Variants in UNC13C observed in about 807,000 individuals in gnomAD.
The protein encoded by UNC13C is unc-13 homolog C.
UNC13C carries 174 observed loss-of-function variants against 245.4 expected under a neutral mutation model. That is an observed-to-expected ratio of 0.71 (90% CI 0.63 to 0.80). The LOEUF (loss-of-function observed/expected upper bound fraction) is 0.80, where lower values mean the gene tolerates loss of function less well. Among genes scored for constraint, UNC13C ranks in the 30% least tolerant of loss-of-function variants. The pLI is 0.00. For missense variants in UNC13C, 2,829 were observed against 2,602.9 expected (o/e 1.09, Z -1.89); for synonymous variants, 992 against 895.1 (o/e 1.11, Z -1.93).
At chr15:53,845,424 T>A in the UNC13C span, among the ~76,000 whole-genome samples, 1 of 151,688 alleles carries the variant, frequency 6.6e-6, no homozygotes, top group Non-Finnish European at 1.5e-5. Flanking sequence ...ACAACTAGAA[T>A]CAGAAGAGAC....
rs576501409 is a variant in UNC13C at position 54,286,608 on chromosome 15, A to G, written c.3819-7287A>G. On this transcript the variant is annotated intron_variant, in intron 10 of 32. Coordinates refer to ENST00000260323, the MANE Select transcript of UNC13C (RefSeq NM_001080534.3). ...AAACTCTGATAACTTGGCCAAAAAAATTTTGCTTTAATGATAGGAAATATC... is the reference window on the plus strand; with the variant it reads ...AAACTCTGATAACTTGGCCAAAAAAGTTTTGCTTTAATGATAGGAAATATC... Among the ~76,000 whole-genome samples the G allele has an allele frequency of 2.6e-5, 4 of 152,294 alleles. No individual in the cohort carries two copies. The East Asian group carries it at 5.8e-4, about 22-fold the overall frequency.
chr15:54,205,631 C>G (rs1427148612), intron 4 of UNC13C, among the ~76,000 whole-genome samples: 1 of 152,016 alleles, frequency 6.6e-6, no homozygotes, highest in East Asian at 1.9e-4. Flanking sequence ...CCCAGTTCTG[C>G]TGTCTGGAGC....
the UNC13C span, among the ~76,000 whole-genome samples, chr15:53,840,511 G>C: frequency 6.6e-6 from 1 of 152,076 alleles, no homozygotes; most frequent in Non-Finnish European, 1.5e-5. Flanking sequence ...CTAGAACAGA[G>C]GACTGTAAGA....
chr15:53,942,654 T>C, the UNC13C span, among the ~76,000 whole-genome samples: 1 of 152,148 alleles, frequency 6.6e-6, no homozygotes, highest in Non-Finnish European at 1.5e-5. Flanking sequence ...ACGATTTTCC[T>C]GAAATATTTT....
At chr15:54,391,280 T>G (rs1410478202) in intron 17 of UNC13C, among the ~76,000 whole-genome samples, 1 of 152,158 alleles carries the variant, frequency 6.6e-6, no homozygotes, top group Non-Finnish European at 1.5e-5. Context: ...CCACTGTGGC[T>G]ATTAGAAGTA....
intron 2 of UNC13C, among the ~76,000 whole-genome samples, chr15:54,036,978 G>T (rs566130797): frequency 1.3e-5 from 2 of 152,268 alleles, no homozygotes; most frequent in African/African-American, 4.8e-5. Context: ...CTGCATGAAG[G>T]GCAGGAATGC....
At chr15:54,532,369 A>G (rs1231756740) in intron 25 of UNC13C, among the ~76,000 whole-genome samples, 1 of 152,232 alleles carries the variant, frequency 6.6e-6, no homozygotes, top group African/African-American at 2.4e-5. Context: ...CCATAAAGAC[A>G]CATGCATGCA....
At chr15:53,880,838 A>G in the UNC13C span, among the ~76,000 whole-genome samples, 447 of 152,264 alleles carry the variant, frequency 2.9e-3, no homozygotes, top group Non-Finnish European at 4.3e-3. Context: ...CTCTCCTTAC[A>G]GAATACCCAA....
chr15:54,013,270 A>G lies in UNC13C; in HGVS notation c.367A>G (p.Ile123Val), dbSNP rs547772270. ...GGATCTGCTTCAAGAGCTCTCTTCA[A>G]TCGAGAGTTCCTACTCAGAATCATT... The part of the protein sequence containing the change: ...NEDLLQELSS[I>V]ESSYSESLNE... The change falls in exon 2 of 33, where the codon ATC becomes GTC. Residue 123 changes from isoleucine (I) to valine (V), a missense_variant. Ile to Val is a conservative substitution (Grantham distance 29). Transcript: ENST00000260323. The G allele has an allele frequency of 5.6e-6, 9 of 1,613,736 alleles. No homozygotes were observed. In the East Asian group the frequency reaches 1.3e-4, roughly 24 times the overall value.
At chr15:54,093,300 T>C (rs1899669688) in intron 2 of UNC13C, among the ~76,000 whole-genome samples, 1 of 152,320 alleles carries the variant, frequency 6.6e-6, no homozygotes, top group Middle Eastern at 3.4e-3. Context: ...ATAAAATAAC[T>C]GATGGAATTA....
the UNC13C span, among the ~76,000 whole-genome samples, chr15:53,878,889 T>A: frequency 6.6e-6 from 1 of 152,198 alleles, no homozygotes; most frequent in Non-Finnish European, 1.5e-5. Flanking sequence ...AGAAGCCATT[T>A]GATATCTGAA....
At chr15:53,841,174 G>A in the UNC13C span, among the ~76,000 whole-genome samples, 3 of 151,982 alleles carry the variant, frequency 2.0e-5, no homozygotes, top group Non-Finnish European at 4.4e-5. Context: ...GGGAATTACA[G>A]ATCCCTATTT....
rs1566950434 is a variant in UNC13C at position 54,014,606 on chromosome 15, A to T, written c.1703A>T (p.Gln568Leu). The change falls in exon 2 of 33, where the codon CAG becomes CTG. Residue 568 changes from glutamine (Q) to leucine (L), a missense_variant. By Grantham distance (113) the Gln-to-Leu change is moderately radical. Coordinates refer to ENST00000260323, the MANE Select transcript of UNC13C (RefSeq NM_001080534.3). ...TACTCAGAAGATTTTTCAGAAAATC[A>T]GTTTTTCACTAGAACTAATGGAAGC... Reference protein sequence around the residue: ...QSYSEDFSENQFFTRTNGSSL... With the variant: ...QSYSEDFSENLFFTRTNGSSL... 4 of 1,613,468 alleles carry T rather than the reference A, an allele frequency of 2.5e-6. No homozygotes were observed. Among genetic ancestry groups the T allele is most frequent in the Non-Finnish European group, 2.5e-6 (3 of 1,179,726 alleles).
chr15:54,151,312 TA>T, intron 4 of UNC13C, among the ~76,000 whole-genome samples: 1 of 152,266 alleles, frequency 6.6e-6, no homozygotes, highest in Non-Finnish European at 1.5e-5. Flanking sequence ...TTCCATTATT[TA>T]ATAGTATTTA....
At chr15:54,295,448 A>C (rs2037402659) in intron 11 of UNC13C, among the ~76,000 whole-genome samples, 1 of 152,144 alleles carries the variant, frequency 6.6e-6, no homozygotes, top group African/African-American at 2.4e-5. Flanking sequence ...CAGGAGTTTG[A>C]GTTCAGACTG....
At chr15:54,503,335 C>A (rs978594165) in intron 22 of UNC13C, among the ~76,000 whole-genome samples, 3 of 152,016 alleles carry the variant, frequency 2.0e-5, no homozygotes, top group Non-Finnish European at 4.4e-5. Context: ...CTTGCAGTAA[C>A]TTACTATACA....
At chr15:53,943,147 A>C in the UNC13C span, among the ~76,000 whole-genome samples, 1 of 152,160 alleles carries the variant, frequency 6.6e-6, no homozygotes, top group Non-Finnish European at 1.5e-5. Context: ...CCTCCATTTT[A>C]ATAGCCAATG....
chr15:54,300,807 G>A (rs779745534), intron 13 of UNC13C, among the ~76,000 whole-genome samples: 9 of 152,140 alleles, frequency 5.9e-5, no homozygotes, highest in Non-Finnish European at 1.2e-4. Context: ...TTTGTCCAAG[G>A]TCACAAAGCC....
intron 4 of UNC13C, among the ~76,000 whole-genome samples, chr15:54,160,633 G>C (rs551136406): frequency 1.3e-5 from 2 of 152,042 alleles, no homozygotes; most frequent in South Asian, 2.1e-4. Context: ...CTGTTCAAAA[G>C]TATAGCTGTG....
Sources: allele counts gnomAD v4.1 joint callset (sites outside exome capture counted in the v4.1 genomes callset), GRCh38; gene constraint gnomAD v4.1.1; transcripts MANE v1.5; gene names NCBI Gene and HGNC (gene_info 2026-07-23, HGNC 2026-07-21).